SCAPER: variants seen among roughly 807,000 people sequenced by gnomAD.
The protein encoded by SCAPER is S-phase cyclin A associated protein in the ER.
Under a neutral mutation model 182.2 loss-of-function variants are expected in SCAPER, and 98 were observed. The observed-to-expected ratio is 0.54, with a 90% CI of 0.46 to 0.64. The LOEUF (loss-of-function observed/expected upper bound fraction) is 0.64, where lower values mean the gene tolerates loss of function less well. Among genes scored for constraint, SCAPER ranks in the 30% least tolerant of loss-of-function variants. SCAPER has a pLI of 0.00. For missense variants in SCAPER, 1,432 were observed against 1,690.0 expected, an observed-to-expected ratio of 0.85 and a Z score of 2.68; for synonymous variants, 605 against 564.6, an observed-to-expected ratio of 1.07 and a Z score of -1.01.
chr15:76,734,076 C>T (rs944497213), intron 15 of SCAPER, among the ~76,000 whole-genome samples: 4 of 152,260 alleles, frequency 2.6e-5, no homozygotes, highest in South Asian at 2.1e-4. Context: ...GGTATGCTCA[C>T]GTTATTCTAA....
In SCAPER at chr15:76,600,457, T is replaced by A. The variant is rs868266421; in HGVS notation, c.2711+21307A>T. Among the ~76,000 whole-genome samples, 702 of 107,500 alleles carry A rather than the reference T, an allele frequency of 6.5e-3. 75 individuals are homozygous for A. Among genetic ancestry groups the A allele is most frequent in the African/African-American group, 0.019 (651 of 34,760 alleles). 70.5% of individuals were successfully genotyped at this position (107,500 alleles called of 152,430 possible). A position where few individuals can be genotyped will look rare whatever the true frequency, so the allele number is the denominator to read the frequency against. The stretch of plus-strand genomic sequence containing the variant: ...TACATATACATATATATATATATTT[T>A]TTTTTTTTTGAGATGAAGTCTCGCT... On this transcript the variant is annotated intron_variant, in intron 22 of 31. Coordinates refer to ENST00000563290, the MANE Select transcript of SCAPER (RefSeq NM_020843.4).
At chr15:76,639,199 G>C (rs1385772501) in intron 21 of SCAPER, among the ~76,000 whole-genome samples, 1 of 152,182 alleles carries the variant, frequency 6.6e-6, no homozygotes, top group Non-Finnish European at 1.5e-5. Context: ...TGGAAGGACT[G>C]TGTTAGTTCA....
intron 17 of SCAPER, among the ~76,000 whole-genome samples, chr15:76,724,733 G>A (rs1352841033): frequency 6.6e-6 from 1 of 152,052 alleles, no homozygotes; most frequent in African/African-American, 2.4e-5. Flanking sequence ...ACTGAGTCTT[G>A]TGCATTTGTC....
chr15:76,465,671 C>T (rs2049552146), intron 25 of SCAPER, among the ~76,000 whole-genome samples: 1 of 152,002 alleles, frequency 6.6e-6, no homozygotes, highest in Non-Finnish European at 1.5e-5. Context: ...AGGTTTTCCC[C>T]TATGTTTTAA....
At chr15:76,768,543 G>A (rs2151297242) in intron 10 of SCAPER, among the ~76,000 whole-genome samples, 1 of 152,286 alleles carries the variant, frequency 6.6e-6, no homozygotes, top group Non-Finnish European at 1.5e-5. Flanking sequence ...GTGAAAGGGA[G>A]TAACTGCTAA....
chr15:76,651,286 T>G (rs977319190), intron 21 of SCAPER, among the ~76,000 whole-genome samples: 1 of 152,076 alleles, frequency 6.6e-6, no homozygotes, highest in African/African-American at 2.4e-5. Context: ...AAATTAAAAT[T>G]TTCAGTAATG....
chr15:76,398,926 A>T (rs1159320879), intron 27 of SCAPER, among the ~76,000 whole-genome samples: 1 of 152,204 alleles, frequency 6.6e-6, no homozygotes, highest in African/African-American at 2.4e-5. Flanking sequence ...TTACTGATTA[A>T]GTTAACAGCC....
At chr15:76,558,573 G>T (rs1461221142) in intron 23 of SCAPER, among the ~76,000 whole-genome samples, 1 of 152,332 alleles carries the variant, frequency 6.6e-6, no homozygotes, top group East Asian at 1.9e-4. Context: ...TATACTGTTG[G>T]TGGGAAAGTA....
intron 20 of SCAPER, among the ~76,000 whole-genome samples, chr15:76,692,165 G>A (rs540784711): frequency 3.4e-4 from 51 of 152,220 alleles, no homozygotes; most frequent in Admixed American, 2.4e-3. Flanking sequence ...ATACTGCAAT[G>A]GTCAGGTTTT....
At chr15:76,782,484 T>C (rs2064228222) in intron 8 of SCAPER, among the ~76,000 whole-genome samples, 1 of 152,092 alleles carries the variant, frequency 6.6e-6, no homozygotes, top group Admixed American at 6.5e-5. Flanking sequence ...AGACAGAAGG[T>C]TAGCAAAGAT....
chr15:76,556,420 C>T (rs540942594), intron 23 of SCAPER, among the ~76,000 whole-genome samples: 1 of 152,190 alleles, frequency 6.6e-6, no homozygotes, highest in Non-Finnish European at 1.5e-5. Context: ...AAACCATACA[C>T]AAGATCAGTA....
intron 29 of SCAPER, among the ~76,000 whole-genome samples, chr15:76,360,661 C>CTAT (rs1486707884): frequency 6.6e-6 from 1 of 152,192 alleles, no homozygotes; most frequent in Non-Finnish European, 1.5e-5. Flanking sequence ...AACCAACTGA[C>CTAT]ATAGATTAAA....
intron 20 of SCAPER, among the ~76,000 whole-genome samples, chr15:76,672,380 A>G (rs951904606): frequency 2.0e-4 from 31 of 152,230 alleles, no homozygotes; most frequent in African/African-American, 7.2e-4. Flanking sequence ...TAGCAACCTT[A>G]CAAACAACAA....
chr15:76,416,844 A>G (rs1405779668), intron 26 of SCAPER, among the ~76,000 whole-genome samples: 9 of 152,248 alleles, frequency 5.9e-5, no homozygotes, highest in Admixed American at 5.9e-4. Context: ...AAGTAGTGAA[A>G]TACTTGGAAA....
chr15:76,528,724 C>T (rs189581708), intron 23 of SCAPER, among the ~76,000 whole-genome samples: 35 of 152,318 alleles, frequency 2.3e-4, no homozygotes, highest in Non-Finnish European at 3.7e-4. Context: ...CACATTGCAG[C>T]CTGAAAGATC....
chr15:76,671,215 C>T (rs1357674379), intron 20 of SCAPER, among the ~76,000 whole-genome samples: 1 of 152,090 alleles, frequency 6.6e-6, no homozygotes. Context: ...CACCTGCGGT[C>T]CCAGCTCCAT....
Position 76,876,050 on chromosome 15 carries a change from A to G in SCAPER, c.6+7762T>C, listed in dbSNP as rs186721068. 3.1e-3 allele frequency among the ~76,000 whole-genome samples: 465 copies of G among 152,050 alleles called. 5 individuals carry two copies. Among genetic ancestry groups the G allele is most frequent in the Non-Finnish European group, 1.6e-3 (112 of 67,954 alleles). ...CCGGCACTGCTGGGGGACCCAGCGC[A>G]CCCTCCCAGCTGCTGGCCCAGGTGC... is the stretch of plus-strand genomic sequence containing the variant. On this transcript the variant is annotated intron_variant, in intron 2 of 31. Coordinates refer to ENST00000563290, the MANE Select transcript of SCAPER (RefSeq NM_020843.4).
intron 8 of SCAPER, among the ~76,000 whole-genome samples, chr15:76,775,842 T>C (rs1432941833): frequency 6.6e-6 from 1 of 152,106 alleles, no homozygotes; most frequent in East Asian, 1.9e-4. Flanking sequence ...TCACAAAAAA[T>C]AGCCTAAAAT....
rs1039226693 is a variant in SCAPER, at chr15:76,722,556, C to T, written c.2165+6039G>A. On this transcript the variant is annotated intron_variant, in intron 17 of 31. Coordinates refer to ENST00000563290, the MANE Select transcript of SCAPER (RefSeq NM_020843.4). ...AATTCGGCTGTGAATCCGTCTGGTC[C>T]TGGACTTTCTTTGGTTGGTAAGCTA... is the stretch of plus-strand genomic sequence containing the variant. Among the ~76,000 whole-genome samples the T allele has an allele frequency of 5.3e-5, 8 of 152,166 alleles. 1 individual carries two copies. Among genetic ancestry groups the T allele is most frequent in the African/African-American group, 1.9e-4 (8 of 41,420 alleles).
Sources: gnomAD v4.1 joint callset for allele counts (sites outside exome capture counted in the v4.1 genomes callset) on GRCh38, gnomAD v4.1.1 for gene constraint, MANE v1.5 for transcripts, NCBI Gene and HGNC (gene_info 2026-07-23, HGNC 2026-07-21) for gene names.